Variants in FZD3 observed in about 807,000 individuals in gnomAD.
FZD3 encodes the protein frizzled-3.
Under a neutral mutation model 60.7 loss-of-function variants are expected in FZD3, and 30 were observed. That is an observed-to-expected ratio of 0.49 (90% CI 0.37 to 0.67). The LOEUF (loss-of-function observed/expected upper bound fraction) is 0.67, where lower values mean the gene tolerates loss of function less well. Among genes scored for constraint, FZD3 ranks in the 30% least tolerant of loss-of-function variants. The probability of loss-of-function intolerance (pLI) is 0.00; values close to 1 mark genes in which losing one functional copy is unlikely to be tolerated. For synonymous variants in FZD3, 246 were observed against 275.2 expected (o/e 0.89, Z 1.05); for missense variants, 605 against 838.7 (o/e 0.72, Z 3.44).
rs1018097891 is a variant in FZD3 at position 28,572,473 on chromosome 8, T to C, written c.*9462T>C. On this transcript the variant is annotated 3_prime_UTR_variant, in exon 8 of 8. Transcript: ENST00000240093. ...TGTTAAATTTCCCAGTTTTTAAAAG[T>C]GTTTTATCAAAATGACTTCATAATT... is the stretch of plus-strand genomic sequence containing the variant. 17 of 152,194 alleles carry C rather than the reference T, an allele frequency of 1.1e-4. No individual in the cohort carries two copies. Among genetic ancestry groups the C allele is most frequent in the African/African-American group, 4.1e-4 (17 of 41,450 alleles). The allele number at this position is 152,194 out of a possible 1,614,324, so 9.4% of individuals were successfully genotyped here. A position where few individuals can be genotyped will look rare whatever the true frequency, so the allele number is the denominator to read the frequency against.
intron 5 of FZD3, among the ~76,000 whole-genome samples, chr8:28,550,999 G>C (rs530715269): frequency 1.4e-4 from 22 of 151,958 alleles, no homozygotes; most frequent in South Asian, 6.3e-4. Flanking sequence ...CATCACCACT[G>C]CCTCTCTCCC....
chr8:28,511,633 C>G (rs1420293495), intron 3 of FZD3, among the ~76,000 whole-genome samples: 1 of 152,194 alleles, frequency 6.6e-6, no homozygotes, highest in East Asian at 1.9e-4. Context: ...GCCTGGAAGG[C>G]TCTTGTAGTA....
intron 5 of FZD3, among the ~76,000 whole-genome samples, chr8:28,537,237 T>C (rs1805039731): frequency 6.6e-6 from 1 of 152,248 alleles, no homozygotes; most frequent in Non-Finnish European, 1.5e-5. Context: ...AATACTGTTA[T>C]GTCCTGGTTG....
rs1343056469 is a variant in FZD3, at chr8:28,555,772, C to G, written c.1588C>G (p.Pro530Ala). 6.2e-7 allele frequency: 1 copy of G among 1,613,084 alleles called. No homozygotes were observed. Among genetic ancestry groups the G allele is most frequent in the Admixed American group, 1.7e-5 (1 of 60,026 alleles). ...VNESRQVLQE[P>A]DFAQSLLRDP... is the part of the protein sequence containing the mutation. ...TGAGAGCCGACAGGTACTCCAGGAA[C>G]CTGATTTTGCTCAGTCTCTCCTGAG... Residue 530 changes from proline (P) to alanine (A), a missense_variant, in exon 7 of 8, where the codon CCT becomes GCT. Pro to Ala is a conservative substitution (Grantham distance 27, BLOSUM62 -1). Transcript: ENST00000240093.
Position 28,527,084 on chromosome 8 carries a change from C to T in FZD3, c.387-63C>T. On this transcript the variant is annotated intron_variant, in intron 4 of 7. Coordinates refer to ENST00000240093, the MANE Select transcript of FZD3 (RefSeq NM_017412.4). This position sits in a 1 kb window ranked among gnomAD's most constrained non-coding sequence, Gnocchi z 5.0. Reference sequence around the variant, plus strand: ...TGAGTGCCAGATTTGGAAATCCAAACTGTTAGATCGTGATAGATTTCCCCA... The same window carrying T: ...TGAGTGCCAGATTTGGAAATCCAAATTGTTAGATCGTGATAGATTTCCCCA... 5 of 1,391,630 alleles carry T rather than the reference C, an allele frequency of 3.6e-6. No homozygotes were observed. Among genetic ancestry groups the T allele is most frequent in the African/African-American group, 1.4e-5 (1 of 69,374 alleles). The allele number at this position is 1,391,630 out of a possible 1,614,324, so 86.2% of individuals were successfully genotyped here. A position where few individuals can be genotyped will look rare whatever the true frequency, so the allele number is the denominator to read the frequency against.
intron 5 of FZD3, among the ~76,000 whole-genome samples, chr8:28,543,670 C>T (rs1000576650): frequency 1.4e-4 from 21 of 151,656 alleles, no homozygotes; most frequent in South Asian, 6.2e-4. Context: ...CATGAGTCAC[C>T]GTGCCTGGCC....
At position 28,524,178 on chromosome 8, in the gene FZD3, A is replaced by T. The variant is rs79311117; in HGVS notation, c.387-2969A>T. ...CTAAAAATTCATGGACACCCCCAGA[A>T]TTTTTATCTTTTTATCCTAAATAGA... On this transcript the variant is annotated intron_variant, in intron 4 of 7. Coordinates refer to ENST00000240093, the MANE Select transcript of FZD3 (RefSeq NM_017412.4). Among the ~76,000 whole-genome samples the T allele has an allele frequency of 2.5e-3, 375 of 152,224 alleles. 10 individuals carry two copies. In the East Asian group the frequency reaches 0.063, roughly 26 times the overall value.
At chr8:28,536,062 A>G (rs1238041419) in intron 5 of FZD3, among the ~76,000 whole-genome samples, 5 of 152,254 alleles carry the variant, frequency 3.3e-5, no homozygotes, top group Non-Finnish European at 7.3e-5. Context: ...AGATTAAATG[A>G]GAAATATAAA....
chr8:28,530,435 G>T (rs1804839122), intron 5 of FZD3: 1 of 151,998 alleles, frequency 6.6e-6, no homozygotes, highest in Non-Finnish European at 1.5e-5. Flanking sequence ...CACCCTGAAT[G>T]CTCCCGATGT....
intron 7 of FZD3, among the ~76,000 whole-genome samples, chr8:28,557,945 A>G (rs75345720): frequency 0.013 from 1,949 of 152,344 alleles, 46 homozygotes; most frequent in African/African-American, 0.044. Context: ...TTAATAAATC[A>G]TAGAAAGTGA....
intron 5 of FZD3, among the ~76,000 whole-genome samples, chr8:28,540,933 G>A (rs1805150263): frequency 6.6e-6 from 1 of 152,178 alleles, no homozygotes; most frequent in African/African-American, 2.4e-5. Context: ...GCGACAGAGT[G>A]AGCCCCTTTC....
intron 4 of FZD3, among the ~76,000 whole-genome samples, chr8:28,523,175 C>A (rs1016736089): frequency 6.6e-6 from 1 of 152,128 alleles, no homozygotes; most frequent in Non-Finnish European, 1.5e-5. Context: ...TAACAAAATA[C>A]CACAGACTGG....
intron 2 of FZD3, among the ~76,000 whole-genome samples, chr8:28,500,548 A>G (rs1186850647): frequency 6.6e-6 from 1 of 152,226 alleles, no homozygotes; most frequent in Non-Finnish European, 1.5e-5. Flanking sequence ...CGTATTCAAC[A>G]GGGAGTAATG....
In FZD3 at chr8:28,527,169, T is replaced by C; in HGVS notation, c.409T>C (p.Tyr137His). 1 of 1,612,202 alleles carries C rather than the reference T, an allele frequency of 6.2e-7. No homozygotes were observed. The highest frequency in any genetic ancestry group is 2.2e-5 in the East Asian group (1 of 44,880). Residue 137 changes from tyrosine to histidine, a missense_variant, in exon 5 of 8, where the codon TAT becomes CAT. Tyr to His is a moderately conservative substitution (Grantham distance 83, BLOSUM62 2). Transcript: ENST00000240093. The surrounding 1 kb of genome is among the most constrained non-coding windows in gnomAD (Gnocchi z 5.0). ...CSRFPDCDEPYPRLVDLNLAG... is the reference protein window; with the variant it reads ...CSRFPDCDEPHPRLVDLNLAG... ...TAGGTTCCCAGATTGTGATGAGCCA[T>C]ATCCTCGACTTGTGGATCTGAATTT...
chr8:28,530,723 A>G (rs1291170352), intron 5 of FZD3, among the ~76,000 whole-genome samples: 1 of 152,272 alleles, frequency 6.6e-6, no homozygotes, highest in Non-Finnish European at 1.5e-5. Flanking sequence ...CTCCCCAGAG[A>G]CAACCATCAT....
At chr8:28,521,929 C>G (rs1804590970) in intron 4 of FZD3, among the ~76,000 whole-genome samples, 1 of 152,052 alleles carries the variant, frequency 6.6e-6, no homozygotes, top group Admixed American at 6.5e-5. Context: ...CTGGTAATAG[C>G]TCTTGGAGGC....
chr8:28,499,479 C>G (rs917056777), intron 1 of FZD3, among the ~76,000 whole-genome samples: 1 of 151,958 alleles, frequency 6.6e-6, no homozygotes, highest in African/African-American at 2.4e-5. Flanking sequence ...AACAGTGTTA[C>G]ACTAATATTT....
intron 5 of FZD3, among the ~76,000 whole-genome samples, chr8:28,538,485 A>G (rs533851961): frequency 6.4e-4 from 97 of 152,276 alleles, no homozygotes; most frequent in African/African-American, 2.3e-3. Flanking sequence ...AGTCTCATAT[A>G]TTTATACAGT....
At chr8:28,551,531 A>G in intron 5 of FZD3, 72 bp from the exon 6 acceptor site, 3 of 1,172,954 alleles carry the variant, frequency 2.6e-6, no homozygotes, top group Non-Finnish European at 3.7e-6. Flanking sequence ...GAAAAAGAAA[A>G]AGATTTCATA....
Sources: allele counts gnomAD v4.1 joint callset (sites outside exome capture counted in the v4.1 genomes callset), GRCh38; gene constraint gnomAD v4.1.1; non-coding constraint Gnocchi (gnomAD v3.1); transcripts MANE v1.5; gene names NCBI Gene and HGNC (gene_info 2026-07-23, HGNC 2026-07-21).